The following ASAP1 variants were observed in gnomAD, a reference collection of about 807,000 sequenced individuals.
ASAP1 encodes the protein ArfGAP with SH3 domain, ankyrin repeat and PH domain 1, also known as arf-GAP with SH3 domain, ANK repeat and PH domain-containing protein 1.
Under a neutral mutation model 145.2 loss-of-function variants are expected in ASAP1, and 43 were observed. That is an observed-to-expected ratio of 0.30 (90% confidence interval 0.23 to 0.38). ASAP1 has a LOEUF of 0.38. Ranked by LOEUF, ASAP1 falls within the 10% of genes least tolerant of loss-of-function variation. The pLI is 1.00. For missense variants in ASAP1, 1,018 were observed against 1,355.3 expected (o/e 0.75, Z 3.91); for synonymous variants, 546 against 515.5 (o/e 1.06, Z -0.80).
chr8:130,421,208 TCA>T (rs1020226113), intron 1 of ASAP1, among the ~76,000 whole-genome samples: 1 of 152,122 alleles, frequency 6.6e-6, no homozygotes, highest in Non-Finnish European at 1.5e-5. Flanking sequence ...AACAAAAAAA[TCA>T]CAGTGTCTAG....
chr8:130,170,342 A>G (rs1172508286), intron 9 of ASAP1, among the ~76,000 whole-genome samples: 1 of 152,110 alleles, frequency 6.6e-6, no homozygotes, highest in African/African-American at 2.4e-5. Flanking sequence ...TTCAGTAGAG[A>G]CAGGGTTTCA....
At chr8:130,337,742 T>C (rs1340329071) in intron 3 of ASAP1, among the ~76,000 whole-genome samples, 1 of 152,174 alleles carries the variant, frequency 6.6e-6, no homozygotes, top group East Asian at 1.9e-4. Context: ...AGTCTTTTAC[T>C]TTCCTCTCCT....
intron 2 of ASAP1, among the ~76,000 whole-genome samples, chr8:130,364,887 A>C (rs941499900): frequency 6.6e-6 from 1 of 152,206 alleles, no homozygotes; most frequent in Non-Finnish European, 1.5e-5. Flanking sequence ...CTATGATTGC[A>C]CCACTGCACC....
At chr8:130,245,356 G>A (rs1366347778) in intron 3 of ASAP1, among the ~76,000 whole-genome samples, 1 of 152,030 alleles carries the variant, frequency 6.6e-6, no homozygotes, top group Non-Finnish European at 1.5e-5. Flanking sequence ...CGTCTTCTAC[G>A]GTGCCTACAG....
chr8:130,119,445 A>G (rs2097561986), intron 18 of ASAP1, among the ~76,000 whole-genome samples: 1 of 152,296 alleles, frequency 6.6e-6, no homozygotes, highest in South Asian at 2.1e-4. Flanking sequence ...TTTCTTGAGG[A>G]ATTGCCTTCT....
rs142311540 is a variant in ASAP1 at position 130,271,983 on chromosome 8, T to C, written c.187-34989A>G. 3.3e-3 allele frequency among the ~76,000 whole-genome samples: 501 copies of C among 151,910 alleles called. 3 individuals carry two copies. Among genetic ancestry groups the C allele is most frequent in the African/African-American group, 8.8e-3 (365 of 41,442 alleles). The stretch of plus-strand genomic sequence containing the variant: ...TGTCTCAAGTTGAATGATGAAGAAA[T>C]AAAAAATAAAAATAAATTTAAAAAA... On this transcript the variant is annotated intron_variant, in intron 3 of 29. Transcript: ENST00000518721.
chr8:130,082,485 A>G (rs1240172415), intron 25 of ASAP1, among the ~76,000 whole-genome samples: 2 of 146,314 alleles, frequency 1.4e-5, no homozygotes, highest in Non-Finnish European at 3.0e-5. Context: ...TACAGGTGTG[A>G]GCCACCACAC....
chr8:130,283,583 G>GAAAAAAAAAAAAAAAAAAAAAAAAA (rs745389921), intron 3 of ASAP1, among the ~76,000 whole-genome samples: 2 of 98,754 alleles, frequency 2.0e-5, no homozygotes, highest in African/African-American at 8.4e-5. Flanking sequence ...CTCCATCACA[G>GAAAAAAAAAAAAAAAAAAAAAAAAA]AAAGAAAAAA....
At chr8:130,257,265 C>A (rs1474983744) in intron 3 of ASAP1, among the ~76,000 whole-genome samples, 2 of 152,292 alleles carry the variant, frequency 1.3e-5, no homozygotes, top group East Asian at 3.9e-4. Flanking sequence ...ACTATCTACA[C>A]AACCCAGAGA....
chr8:130,267,918 C>A (rs1342379993), intron 3 of ASAP1, among the ~76,000 whole-genome samples: 2 of 152,188 alleles, frequency 1.3e-5, no homozygotes, highest in Non-Finnish European at 2.9e-5. Context: ...AAACCATGAA[C>A]CTTCTTTGTG....
chr8:130,177,512 A>C (rs1206805572), intron 9 of ASAP1, among the ~76,000 whole-genome samples: 1 of 152,208 alleles, frequency 6.6e-6, no homozygotes, highest in Non-Finnish European at 1.5e-5. Flanking sequence ...CCCAATACTA[A>C]AATCAGGGAC....
chr8:130,149,460 C>A (rs1429574638), intron 13 of ASAP1, among the ~76,000 whole-genome samples: 1 of 152,034 alleles, frequency 6.6e-6, no homozygotes, highest in East Asian at 1.9e-4. Flanking sequence ...ATGTATTTCT[C>A]TTTAGAACAG....
chr8:130,194,693 G>A (rs1815365065), intron 5 of ASAP1, among the ~76,000 whole-genome samples: 1 of 152,124 alleles, frequency 6.6e-6, no homozygotes. Flanking sequence ...CATAAAGAGT[G>A]TTCAACCTAA....
At position 130,371,013 on chromosome 8, in the gene ASAP1, G is replaced by A. The variant is rs150413119; in HGVS notation, c.60-12870C>T. Among the ~76,000 whole-genome samples, 840 of 152,290 alleles carry A rather than the reference G, an allele frequency of 5.5e-3. 8 individuals are homozygous for A. Among genetic ancestry groups the A allele is most frequent in the African/African-American group, 0.02 (813 of 41,562 alleles). Reference sequence around the variant, plus strand: ...TTTTGTGAATACACTAAAAACCACTGAATTGTATATCTTAAAAGTGCAAAT... The same window carrying A: ...TTTTGTGAATACACTAAAAACCACTAAATTGTATATCTTAAAAGTGCAAAT... On this transcript the variant is annotated intron_variant, in intron 2 of 29. Coordinates refer to ENST00000518721, the MANE Select transcript of ASAP1 (RefSeq NM_018482.4).
At chr8:130,168,824 C>T (rs886671789) in intron 10 of ASAP1, among the ~76,000 whole-genome samples, 168 bp downstream of exon 10, 3 of 152,168 alleles carry the variant, frequency 2.0e-5, no homozygotes, top group African/African-American at 7.2e-5. Context: ...GAGCATTTGA[C>T]CATCGATGAC....
chr8:130,308,202 T>G (rs1823111271), intron 3 of ASAP1, among the ~76,000 whole-genome samples: 1 of 152,224 alleles, frequency 6.6e-6, no homozygotes. Context: ...TAAGCTAAGA[T>G]TTTCACAGTT....
At chr8:130,426,525 T>C (rs1272873688) in intron 1 of ASAP1, among the ~76,000 whole-genome samples, 3 of 152,108 alleles carry the variant, frequency 2.0e-5, no homozygotes, top group African/African-American at 7.2e-5. Flanking sequence ...CCCAGCAAGG[T>C]TAAGCCCTCA....
At chr8:130,300,382 A>G (rs1822590349) in intron 3 of ASAP1, among the ~76,000 whole-genome samples, 1 of 152,188 alleles carries the variant, frequency 6.6e-6, no homozygotes, top group South Asian at 2.1e-4. Flanking sequence ...ATATTTTTAC[A>G]CTACTGCTGT....
intron 5 of ASAP1, among the ~76,000 whole-genome samples, chr8:130,188,531 C>T (rs1011901903): frequency 2.0e-5 from 3 of 151,634 alleles, no homozygotes; most frequent in Non-Finnish European, 4.4e-5. Flanking sequence ...GTCAGGAGTT[C>T]GAGACCAGCC....
Sources: gnomAD v4.1 joint callset for allele counts (sites outside exome capture counted in the v4.1 genomes callset) on GRCh38, gnomAD v4.1.1 for gene constraint, MANE v1.5 for transcripts, NCBI Gene and HGNC (gene_info 2026-07-23, HGNC 2026-07-21) for gene names.